The following NUBPL variants were observed in gnomAD, a reference collection of about 807,000 sequenced individuals.
NUBPL encodes the protein NUBP iron-sulfur cluster assembly factor, mitochondrial, also known as iron-sulfur cluster transfer protein NUBPL.
In NUBPL, 31 loss-of-function variants were observed where a neutral mutation model predicts 45.7. The ratio of observed to expected loss-of-function variants is 0.68; its 90% CI spans 0.51 to 0.92. The LOEUF (loss-of-function observed/expected upper bound fraction) is 0.92, where lower values mean the gene tolerates loss of function less well. Ranked by LOEUF, NUBPL falls within the 40% of genes least tolerant of loss-of-function variation. The probability of loss-of-function intolerance (pLI) is 0.00; values close to 1 mark genes in which losing one functional copy is unlikely to be tolerated. For synonymous variants in NUBPL, 144 were observed against 140.9 expected (o/e 1.02, Z -0.15); for missense variants, 401 against 398.7 (o/e 1.01, Z -0.05).
intron 6 of NUBPL, among the ~76,000 whole-genome samples, chr14:31,753,660 TG>T (rs1423786503): frequency 6.6e-6 from 1 of 151,624 alleles, no homozygotes; most frequent in East Asian, 1.9e-4. Context: ...TCCTGGGGAG[TG>T]GGGGTTGCCA....
At chr14:31,743,679 C>T (rs866280979) in intron 6 of NUBPL, among the ~76,000 whole-genome samples, 2 of 152,134 alleles carry the variant, frequency 1.3e-5, no homozygotes, top group East Asian at 1.9e-4. Flanking sequence ...TGCGCTTAGC[C>T]GGTTGGGCTC....
intron 6 of NUBPL, among the ~76,000 whole-genome samples, chr14:31,770,297 C>T (rs2038984836): frequency 1.3e-5 from 2 of 152,100 alleles, no homozygotes; most frequent in Non-Finnish European, 1.5e-5. Context: ...AGTTTTTCAA[C>T]ATAGTTTGGC....
At chr14:31,758,298 A>T (rs960289719) in intron 6 of NUBPL, among the ~76,000 whole-genome samples, 5 of 152,212 alleles carry the variant, frequency 3.3e-5, no homozygotes, top group African/African-American at 1.2e-4. Context: ...ATAAGACATG[A>T]TTAATCTTTT....
chr14:31,657,607 A>G (rs889864356), intron 4 of NUBPL, among the ~76,000 whole-genome samples: 1 of 152,176 alleles, frequency 6.6e-6, no homozygotes, highest in Admixed American at 6.6e-5. Flanking sequence ...AGCCTTAAAC[A>G]GGTTTTTTCT....
intron 10 of NUBPL, among the ~76,000 whole-genome samples, chr14:31,853,065 C>CTGTTGTGTTG (rs1218449185): frequency 2.0e-4 from 22 of 110,932 alleles, no homozygotes; most frequent in African/African-American, 1.2e-3. Context: ...TAGACTGATA[C>CTGTTGTGTTG]TGTTGTGTTG....
chr14:31,799,144 A>G (rs986894174), intron 7 of NUBPL, among the ~76,000 whole-genome samples: 1 of 152,212 alleles, frequency 6.6e-6, no homozygotes, highest in African/African-American at 2.4e-5. Flanking sequence ...TTTGGAAAAT[A>G]TGTAGAGGCA....
chr14:31,754,275 C>T (rs974227805), intron 6 of NUBPL, among the ~76,000 whole-genome samples: 15 of 152,062 alleles, frequency 9.9e-5, no homozygotes, highest in African/African-American at 1.7e-4. Flanking sequence ...CAATTATCAC[C>T]GACTTCTAAT....
chr14:31,675,679 G>A lies in NUBPL; in HGVS notation c.513+2105G>A, dbSNP rs187099061. On this transcript the variant is annotated intron_variant, in intron 6 of 10. Coordinates refer to ENST00000281081, the MANE Select transcript of NUBPL (RefSeq NM_025152.3). The stretch of plus-strand genomic sequence containing the variant: ...TGTTCCCTCCTAGTACCCATTTATG[G>A]GGAGAAGAAAAATACTGTGGTCATT... Among the ~76,000 whole-genome samples, 4 of 152,200 alleles carry A rather than the reference G, an allele frequency of 2.6e-5. No homozygotes were observed. In the East Asian group the frequency reaches 7.7e-4, roughly 29 times the overall value.
intron 6 of NUBPL, among the ~76,000 whole-genome samples, chr14:31,702,100 T>C (rs1233506231): frequency 6.6e-6 from 1 of 152,146 alleles, no homozygotes; most frequent in Non-Finnish European, 1.5e-5. Context: ...CTCACACTTA[T>C]AGTTTATTAC....
At chr14:31,784,508 C>T (rs2039250744) in intron 6 of NUBPL, among the ~76,000 whole-genome samples, 1 of 152,148 alleles carries the variant, frequency 6.6e-6, no homozygotes, top group Non-Finnish European at 1.5e-5. Context: ...AATCTGTAAT[C>T]AGAGAAACAG....
chr14:31,634,321 G>GAGTGAGAA (rs1566462719), intron 4 of NUBPL, among the ~76,000 whole-genome samples: 1 of 142,112 alleles, frequency 7.0e-6, no homozygotes, highest in Non-Finnish European at 1.5e-5. Flanking sequence ...TCCCACCTAT[G>GAGTGAGAA]AGTGAGAACA....
In NUBPL at chr14:31,807,466, GTTGT is replaced by G. The variant is rs554318101; in HGVS notation, c.608-19156_608-19153del. Among the ~76,000 whole-genome samples the G allele has an allele frequency of 1.8e-3, 278 of 151,384 alleles. 1 individual carries two copies. The highest frequency in any genetic ancestry group is 6.4e-3 in the African/African-American group (264 of 41,436). ...TATCCTTTGCCCACTTTTTGATGGG[GTTGT>G]TTGTTTTTTCCTTGAAAATTGGCTT... On this transcript the variant is annotated intron_variant, in intron 7 of 10. Transcript: ENST00000281081.
intron 4 of NUBPL, among the ~76,000 whole-genome samples, chr14:31,642,789 T>G (rs1048001070): frequency 6.6e-6 from 1 of 152,164 alleles, no homozygotes; most frequent in Non-Finnish European, 1.5e-5. Flanking sequence ...TTCATGAGCA[T>G]GGAATATCTT....
chr14:31,842,665 A>G (rs544911216), intron 8 of NUBPL, among the ~76,000 whole-genome samples: 1 of 152,262 alleles, frequency 6.6e-6, no homozygotes, highest in Admixed American at 6.5e-5. Context: ...TGTCGTGGAA[A>G]CAGGGTCTTG....
At chr14:31,803,153 T>A (rs1177426632) in intron 7 of NUBPL, among the ~76,000 whole-genome samples, 1 of 152,238 alleles carries the variant, frequency 6.6e-6, no homozygotes. Flanking sequence ...AGACAGAAAC[T>A]TATTGTTGCC....
chr14:31,823,085 C>T (rs369851198), intron 7 of NUBPL, among the ~76,000 whole-genome samples: 1 of 151,748 alleles, frequency 6.6e-6, no homozygotes. Flanking sequence ...TGAGATATAT[C>T]GAGACTTAGT....
At chr14:31,834,106 A>G (rs2040235430) in intron 8 of NUBPL, among the ~76,000 whole-genome samples, 1 of 151,836 alleles carries the variant, frequency 6.6e-6, no homozygotes, top group African/African-American at 2.4e-5. Flanking sequence ...AGAGATAGAA[A>G]TTCTACCTTT....
chr14:31,850,027 G>A lies in NUBPL; in HGVS notation c.815-92G>A, dbSNP rs10132352. 157,074 of 910,408 alleles carry A rather than the reference G, an allele frequency of 0.17. 19,484 individuals carry two copies. The highest frequency in any genetic ancestry group is 0.56 in the African/African-American group (34,295 of 61,056). 56.4% of individuals were successfully genotyped at this position (910,408 alleles called of 1,614,324 possible). A position where few individuals can be genotyped will look rare whatever the true frequency, so the allele number is the denominator to read the frequency against. ...AGTCAATTTGAATCAATTTAGTTCC[G>A]ATTTTGTTTCTTTCCATAGTTCAAA... On this transcript the variant is annotated intron_variant, in intron 9 of 10. Transcript: ENST00000281081.
chr14:31,663,420 G>A (rs1390453261), intron 4 of NUBPL, among the ~76,000 whole-genome samples: 1 of 152,142 alleles, frequency 6.6e-6, no homozygotes, highest in Non-Finnish European at 1.5e-5. Flanking sequence ...TTTGTATAAG[G>A]TGTAAGGAAG....
Sources: allele counts gnomAD v4.1 joint callset (sites outside exome capture counted in the v4.1 genomes callset), GRCh38; gene constraint gnomAD v4.1.1; transcripts MANE v1.5; gene names NCBI Gene and HGNC (gene_info 2026-07-23, HGNC 2026-07-21).